The following ZBED6 variants were observed in gnomAD, a reference collection of about 807,000 sequenced individuals.
ZBED6 encodes the protein zinc finger BED-type containing 6.
Under a neutral mutation model 58.4 loss-of-function variants are expected in ZBED6, and 40 were observed. The ratio of observed to expected loss-of-function variants is 0.68; its 90% CI spans 0.53 to 0.89. The LOEUF is 0.89. ZBED6 is among the 40% of genes least tolerant of loss of function. The pLI is 0.00. For missense variants in ZBED6, 1,057 were observed against 1,003.9 expected (o/e 1.05, Z -0.71); for synonymous variants, 439 against 350.6 (o/e 1.25, Z -2.82).
chr1:203,834,506 A>G (rs935678654), intron 9 of ZBED6, among the ~76,000 whole-genome samples: 1 of 152,180 alleles, frequency 6.6e-6, no homozygotes, highest in Admixed American at 6.5e-5. Flanking sequence ...TCCTGGGCTC[A>G]AGTGATCTGT....
chr1:203,798,300 C>A, exon 1 of ZBED6: 1 of 1,536,124 alleles, frequency 6.5e-7, no homozygotes, highest in African/African-American at 1.4e-5. Context: ...TGCTTTAATT[C>A]CTGGAACTAG....
intron 12 of ZBED6, 55 bp downstream of exon 12, chr1:203,847,742 G>T: frequency 6.4e-7 from 1 of 1,562,884 alleles, no homozygotes; most frequent in Non-Finnish European, 8.6e-7. Flanking sequence ...TTCCAGAGGA[G>T]TGTTCCGTGG....
At chr1:203,809,408 C>G (rs897825250) in intron 1 of ZBED6, among the ~76,000 whole-genome samples, 3 of 151,464 alleles carry the variant, frequency 2.0e-5, no homozygotes, top group Admixed American at 1.3e-4. Context: ...AACTCCTGAC[C>G]TCGTGATCCG....
exon 17 of ZBED6, chr1:203,852,336 C>G (rs776806055): frequency 6.2e-7 from 1 of 1,613,652 alleles, no homozygotes; most frequent in Non-Finnish European, 8.5e-7. Context: ...CTGAGATTGA[C>G]CTGGATCCTG....
chr1:203,833,524 C>G (rs1683152734), intron 8 of ZBED6, among the ~76,000 whole-genome samples: 1 of 149,948 alleles, frequency 6.7e-6, no homozygotes, highest in African/African-American at 2.5e-5. Flanking sequence ...GAGCAAGAGT[C>G]TATTATTATT....
chr1:203,818,727 G>C (rs577650606), intron 3 of ZBED6, 38 bp downstream of exon 3: 1 of 1,613,010 alleles, frequency 6.2e-7, no homozygotes, highest in East Asian at 2.2e-5. Context: ...TAAGTAGTCT[G>C]GAGACCTGGT....
chr1:203,814,845 T>A (rs989322084), intron 1 of ZBED6: 7 of 152,188 alleles, frequency 4.6e-5, no homozygotes, highest in Admixed American at 1.3e-4. Flanking sequence ...ATTTGTTTAT[T>A]TTTGAGATAG....
chr1:203,837,227 G>A (rs1293739004), intron 9 of ZBED6, among the ~76,000 whole-genome samples: 6 of 150,166 alleles, frequency 4.0e-5, no homozygotes, highest in Non-Finnish European at 2.9e-5. Context: ...GGAGGTGGAG[G>A]TTGCAGTGAG....
chr1:203,832,800 G>A (rs1342133252), intron 8 of ZBED6, among the ~76,000 whole-genome samples: 1 of 152,238 alleles, frequency 6.6e-6, no homozygotes, highest in African/African-American at 2.4e-5. Context: ...ATCAGAGATA[G>A]TTATATTGGA....
chr1:203,815,699 C>G (rs1676150679), intron 1 of ZBED6, among the ~76,000 whole-genome samples: 1 of 152,118 alleles, frequency 6.6e-6, no homozygotes. Flanking sequence ...TTGTTAACAT[C>G]AAGGTGACTT....
chr1:203,839,830 G>A (rs1685516914), intron 10 of ZBED6, among the ~76,000 whole-genome samples: 1 of 152,016 alleles, frequency 6.6e-6, no homozygotes, highest in Non-Finnish European at 1.5e-5. Flanking sequence ...TTGAGACAGA[G>A]TCTCACTCTG....
At chr1:203,849,415 A>G (rs1688739984) in intron 13 of ZBED6, among the ~76,000 whole-genome samples, 1 of 152,200 alleles carries the variant, frequency 6.6e-6, no homozygotes, top group Non-Finnish European at 1.5e-5. Flanking sequence ...TTAAAGTAAT[A>G]TATTTGTACA....
At chr1:203,821,155 G>C (rs111803133) in intron 3 of ZBED6, among the ~76,000 whole-genome samples, 1 of 152,060 alleles carries the variant, frequency 6.6e-6, no homozygotes, top group African/African-American at 2.4e-5. Context: ...GTGCGTTCTC[G>C]TGAGATCTGA....
chr1:203,851,236 A>G, intron 16 of ZBED6, 112 bp downstream of exon 16: 1 of 949,186 alleles, frequency 1.1e-6, no homozygotes, highest in East Asian at 2.6e-5. Context: ...AATCTGTTGC[A>G]CTTCAAATTA....
rs773734249 is a variant in ZBED6 at position 203,828,290 on chromosome 1, CT to C, written c.*2874-8del. On this transcript the variant is annotated splice_region_variant and splice_polypyrimidine_tract_variant and intron_variant, in intron 3 of 16. Coordinates refer to ENST00000550078, the Ensembl canonical transcript of ZBED6. ...TTATTTGAAAGCAATGTGTTTTTCCCTCTTACAGAAAAAACGCAGTGAAATT... is the reference window on the plus strand; with the variant it reads ...TTATTTGAAAGCAATGTGTTTTTCCCCTTACAGAAAAAACGCAGTGAAATT... The C allele has an allele frequency of 4.3e-6, 7 of 1,613,790 alleles. No individual in the cohort carries two copies. In the African/African-American group the frequency reaches 8.0e-5, roughly 18 times the overall value.
intron 3 of ZBED6, among the ~76,000 whole-genome samples, chr1:203,824,585 A>G (rs769583611): frequency 6.6e-6 from 1 of 152,190 alleles, no homozygotes; most frequent in Non-Finnish European, 1.5e-5. Flanking sequence ...ATTGGTTCAC[A>G]AATTGAGTCA....
chr1:203,805,954 A>C (rs1291012196), intron 1 of ZBED6: 7 of 624,018 alleles, frequency 1.1e-5, no homozygotes, highest in African/African-American at 9.1e-5. Context: ...CATAGCATCA[A>C]CCGTGGTCTT....
chr1:203,799,916 G>A (rs41310875), exon 1 of ZBED6: 8 of 1,536,102 alleles, frequency 5.2e-6, no homozygotes, highest in Non-Finnish European at 7.0e-6. Context: ...TTGCAGAAGA[G>A]GTCTGTAATT....
At position 203,843,836 on chromosome 1, in the gene ZBED6, T is replaced by A. The variant is rs556168905; in HGVS notation, c.*3742-3348T>A. On this transcript the variant is annotated intron_variant, in intron 11 of 16. Coordinates refer to ENST00000550078, the Ensembl canonical transcript of ZBED6. Reference sequence around the variant, plus strand: ...GAACTTTCTTTGTTCTCTTATTTTTTTTTCTTTATTCTCGGCCTGGGATTT... The same window carrying A: ...GAACTTTCTTTGTTCTCTTATTTTTATTTCTTTATTCTCGGCCTGGGATTT... Among the ~76,000 whole-genome samples the A allele has an allele frequency of 1.1e-4, 16 of 152,308 alleles. No homozygotes were observed. In the South Asian group the frequency reaches 3.3e-3, roughly 32 times the overall value.
Sources: allele counts gnomAD v4.1 joint callset (sites outside exome capture counted in the v4.1 genomes callset), GRCh38; gene constraint gnomAD v4.1.1; transcripts MANE v1.5; gene names NCBI Gene and HGNC (gene_info 2026-07-23, HGNC 2026-07-21).